SPOCK1: variants seen among roughly 807,000 people sequenced by gnomAD.
SPOCK1 encodes the protein testican-1.
A neutral mutation model predicts 55.3 loss-of-function variants in SPOCK1; 23 were observed. That is an observed-to-expected ratio of 0.42 (90% CI 0.30 to 0.59). SPOCK1 has a LOEUF of 0.59. SPOCK1 is among the 20% of genes least tolerant of loss of function. SPOCK1 has a pLI of 0.22. For missense variants in SPOCK1, 499 were observed against 552.5 expected, an observed-to-expected ratio of 0.90 and a Z score of 0.97; for synonymous variants, 226 against 221.0, an observed-to-expected ratio of 1.02 and a Z score of -0.20.
chr5:137,497,226 CG>C (rs1439070944), intron 2 of SPOCK1, among the ~76,000 whole-genome samples: 1 of 152,052 alleles, frequency 6.6e-6, no homozygotes, highest in African/African-American at 2.4e-5. Context: ...AAACCATGCC[CG>C]GGGACATTAA....
At chr5:137,409,014 C>A (rs1175025302) in intron 2 of SPOCK1, among the ~76,000 whole-genome samples, 1 of 152,118 alleles carries the variant, frequency 6.6e-6, no homozygotes, top group Non-Finnish European at 1.5e-5. Context: ...AAACCCCTTC[C>A]CCAAACACAC....
rs1382871969 is a variant in SPOCK1, at chr5:137,152,801, G to A, written c.233-12107C>T. 2.6e-5 allele frequency among the ~76,000 whole-genome samples: 4 copies of A among 151,974 alleles called. No individual in the cohort carries two copies. The South Asian group carries it at 6.2e-4, about 24-fold the overall frequency. On this transcript the variant is annotated intron_variant, in intron 3 of 10. Coordinates refer to ENST00000394945, the MANE Select transcript of SPOCK1 (RefSeq NM_004598.4). The stretch of plus-strand genomic sequence containing the variant: ...ATATTTACCCTGCCTTAATTTATAC[G>A]GACAACCCACAAACCCTCAAACATC...
At chr5:136,993,260 G>C (rs1042380736) in intron 6 of SPOCK1, 5 of 152,374 alleles carry the variant, frequency 3.3e-5, no homozygotes, top group African/African-American at 1.2e-4. Flanking sequence ...ATACTCCTGA[G>C]AACAAGAAAA....
At chr5:136,994,283 C>T (rs1195877350) in intron 6 of SPOCK1, among the ~76,000 whole-genome samples, 1 of 152,148 alleles carries the variant, frequency 6.6e-6, no homozygotes, top group African/African-American at 2.4e-5. Context: ...AAACACCAGC[C>T]AGGAAACAAC....
At chr5:137,062,816 T>C (rs1327290662) in intron 6 of SPOCK1, among the ~76,000 whole-genome samples, 2 of 152,178 alleles carry the variant, frequency 1.3e-5, no homozygotes, top group Non-Finnish European at 2.9e-5. Flanking sequence ...TTCCTTTATT[T>C]GTTTTTTGTT....
chr5:137,218,685 C>T (rs1755765177), intron 3 of SPOCK1, among the ~76,000 whole-genome samples: 1 of 152,166 alleles, frequency 6.6e-6, no homozygotes, highest in African/African-American at 2.4e-5. Context: ...TGGTCTCATT[C>T]CTGAGACACA....
At chr5:137,456,929 G>A (rs1167398215) in intron 2 of SPOCK1, among the ~76,000 whole-genome samples, 1 of 152,190 alleles carries the variant, frequency 6.6e-6, no homozygotes, top group Non-Finnish European at 1.5e-5. Flanking sequence ...ACCTCTGCTA[G>A]TGGGTATATT....
At chr5:137,091,973 C>T (rs979114091) in intron 5 of SPOCK1, among the ~76,000 whole-genome samples, 7 of 152,066 alleles carry the variant, frequency 4.6e-5, no homozygotes, top group Non-Finnish European at 1.0e-4. Flanking sequence ...CTCACATTTC[C>T]ATTATTTTCC....
rs560781274 is a variant in SPOCK1 at position 137,317,871 on chromosome 5, A to G, written c.187-50816T>C. Among the ~76,000 whole-genome samples, 14 of 152,334 alleles carry G rather than the reference A, an allele frequency of 9.2e-5. No homozygotes were observed. In the South Asian group the frequency reaches 1.9e-3, roughly 20 times the overall value. On this transcript the variant is annotated intron_variant, in intron 2 of 10. Coordinates refer to ENST00000394945, the MANE Select transcript of SPOCK1 (RefSeq NM_004598.4). ...ACTAGTTTCCAAGATCCGCATAGCT[A>G]TCAATTTCCCCCCTCAATTCATATT...
intron 5 of SPOCK1, among the ~76,000 whole-genome samples, chr5:137,092,280 A>G (rs899457786): frequency 3.9e-5 from 6 of 152,182 alleles, no homozygotes; most frequent in African/African-American, 1.4e-4. Flanking sequence ...AAAAAGATAC[A>G]TGGTGCTGTT....
chr5:137,483,241 A>G (rs893508338), intron 2 of SPOCK1, among the ~76,000 whole-genome samples: 1 of 152,172 alleles, frequency 6.6e-6, no homozygotes, highest in African/African-American at 2.4e-5. Flanking sequence ...GCTGGGATAG[A>G]AGAATCACTT....
chr5:137,035,795 C>T (rs1334697918), intron 6 of SPOCK1, among the ~76,000 whole-genome samples: 2 of 152,238 alleles, frequency 1.3e-5, no homozygotes, highest in African/African-American at 4.8e-5. Flanking sequence ...GACTACTCAA[C>T]TTGCCTTCTC....
chr5:137,186,941 C>T (rs1755080797), intron 3 of SPOCK1, among the ~76,000 whole-genome samples: 1 of 152,180 alleles, frequency 6.6e-6, no homozygotes, highest in Non-Finnish European at 1.5e-5. Flanking sequence ...AGCCCCTTGG[C>T]CCCTGATCAT....
chr5:137,150,621 G>A (rs1485247749), intron 3 of SPOCK1, among the ~76,000 whole-genome samples: 1 of 152,064 alleles, frequency 6.6e-6, no homozygotes, highest in Non-Finnish European at 1.5e-5. Context: ...CAGACAAGGA[G>A]TCCAGGGAAT....
chr5:137,241,228 C>T (rs1304486269), intron 3 of SPOCK1, among the ~76,000 whole-genome samples: 3 of 152,204 alleles, frequency 2.0e-5, no homozygotes, highest in Non-Finnish European at 4.4e-5. Context: ...CCATAAAATT[C>T]GAGGTTAATA....
chr5:137,425,604 C>G (rs892676165), intron 2 of SPOCK1, among the ~76,000 whole-genome samples: 8 of 152,194 alleles, frequency 5.3e-5, no homozygotes, highest in Admixed American at 3.9e-4. Context: ...GGATGCTGAT[C>G]ACACATCTAC....
intron 2 of SPOCK1, among the ~76,000 whole-genome samples, chr5:137,287,871 C>T (rs944860599): frequency 5.3e-5 from 8 of 152,054 alleles, no homozygotes; most frequent in Non-Finnish European, 1.2e-4. Flanking sequence ...GGGAGAGAAG[C>T]AATGGGCGGG....
intron 6 of SPOCK1, among the ~76,000 whole-genome samples, chr5:137,009,932 T>C (rs1751319961): frequency 6.6e-6 from 1 of 152,106 alleles, no homozygotes; most frequent in Admixed American, 6.5e-5. Context: ...TGGTGGAATT[T>C]TAACAAGGAA....
At chr5:137,114,924 T>C (rs1429219928) in intron 4 of SPOCK1, among the ~76,000 whole-genome samples, 1 of 152,160 alleles carries the variant, frequency 6.6e-6, no homozygotes, top group Non-Finnish European at 1.5e-5. Flanking sequence ...TGTAAAATGA[T>C]GACCTAGAGG....
Sources: gnomAD v4.1 joint callset for allele counts (sites outside exome capture counted in the v4.1 genomes callset) on GRCh38, gnomAD v4.1.1 for gene constraint, MANE v1.5 for transcripts, NCBI Gene and HGNC (gene_info 2026-07-23, HGNC 2026-07-21) for gene names.